The following PTPRM variants were observed in gnomAD, a reference collection of about 807,000 sequenced individuals.
The protein encoded by PTPRM is receptor-type tyrosine-protein phosphatase mu.
A neutral mutation model predicts 186.7 loss-of-function variants in PTPRM; 47 were observed. That is an observed-to-expected ratio of 0.25 (90% CI 0.20 to 0.32). PTPRM has a LOEUF of 0.32. Ranked by LOEUF, PTPRM falls within the 10% of genes least tolerant of loss-of-function variation. The probability of loss-of-function intolerance (pLI) is 1.00; values close to 1 mark genes in which losing one functional copy is unlikely to be tolerated. For missense variants in PTPRM, 1,494 were observed against 1,865.0 expected (o/e 0.80, Z 3.66); for synonymous variants, 668 against 674.9 (o/e 0.99, Z 0.16).
chr18:8,135,826 C>T (rs953673918), intron 13 of PTPRM, among the ~76,000 whole-genome samples: 1 of 152,150 alleles, frequency 6.6e-6, no homozygotes, highest in Non-Finnish European at 1.5e-5. Flanking sequence ...TTGCTAGGCT[C>T]TACATTTTTT....
At chr18:8,105,427 GT>G (rs1253794334) in intron 11 of PTPRM, among the ~76,000 whole-genome samples, 2 of 152,112 alleles carry the variant, frequency 1.3e-5, no homozygotes, top group African/African-American at 4.8e-5. Context: ...AACTAAGTTT[GT>G]TCTTTAAGAA....
In PTPRM at chr18:8,126,008, TATATATATA is replaced by T. The variant is rs2092341234; in HGVS notation, c.2167+11182_2167+11190del. Among the ~76,000 whole-genome samples, 39 of 22,512 alleles carry T rather than the reference TATATATATA, an allele frequency of 1.7e-3. 2 individuals are homozygous for T. The highest frequency in any genetic ancestry group is 3.1e-3 in the Admixed American group (4 of 1,272). 14.8% of individuals were successfully genotyped at this position (22,512 alleles called of 152,430 possible). ...ATATATATATATATATATATATATA[TATATATATA>T]TATATATATATTTTAAATCAGTAGA... On this transcript the variant is annotated intron_variant, in intron 13 of 32. Coordinates refer to ENST00000580170, the MANE Select transcript of PTPRM (RefSeq NM_001105244.2).
rs1024381946 is a variant in PTPRM at position 7,568,161 on chromosome 18, C to T, written c.73+270C>T. 6.6e-6 allele frequency among the ~76,000 whole-genome samples: 1 copy of T among 152,018 alleles called. No individual in the cohort carries two copies. The highest frequency in any genetic ancestry group is 3.4e-3 in the Middle Eastern group (1 of 292). On this transcript the variant is annotated intron_variant, in intron 1 of 32. Transcript: ENST00000580170. The surrounding 1 kb of genome is among the most constrained non-coding windows in gnomAD (Gnocchi z 5.1). ...TGCCAGCTCGGCCGCCGTCCTTCCG[C>T]GGCCTGGGCTAGTGCTCAAGGTTGG...
At chr18:7,720,784 T>C (rs1426265598) in intron 1 of PTPRM, among the ~76,000 whole-genome samples, 1 of 152,230 alleles carries the variant, frequency 6.6e-6, no homozygotes, top group African/African-American at 2.4e-5. Context: ...TTAAGGTTCA[T>C]GCATGTGGCA....
chr18:7,997,793 A>G (rs1200731809), intron 7 of PTPRM, among the ~76,000 whole-genome samples: 3 of 152,310 alleles, frequency 2.0e-5, no homozygotes, highest in South Asian at 2.1e-4. Context: ...AACATCACCA[A>G]TCATTAGAGA....
intron 1 of PTPRM, among the ~76,000 whole-genome samples, chr18:7,654,417 G>A (rs2038800421): frequency 6.6e-6 from 1 of 152,098 alleles, no homozygotes; most frequent in Admixed American, 6.6e-5. Flanking sequence ...CAAGCTTAGT[G>A]TTCCAATAAT....
intron 13 of PTPRM, among the ~76,000 whole-genome samples, chr18:8,117,324 T>G (rs1229694567): frequency 6.6e-6 from 1 of 152,204 alleles, no homozygotes; most frequent in Non-Finnish European, 1.5e-5. Context: ...TAATTGAGTT[T>G]TCAGATACAG....
At chr18:8,002,866 GC>G (rs1215135612) in intron 7 of PTPRM, among the ~76,000 whole-genome samples, 1 of 152,170 alleles carries the variant, frequency 6.6e-6, no homozygotes, top group African/African-American at 2.4e-5. Flanking sequence ...ATACATCTCT[GC>G]CCACTGATTT....
chr18:8,268,098 T>C, intron 19 of PTPRM, among the ~76,000 whole-genome samples: 1 of 152,140 alleles, frequency 6.6e-6, no homozygotes. Context: ...ACATGGACAA[T>C]TCAGTCAGCG....
intron 1 of PTPRM, among the ~76,000 whole-genome samples, chr18:7,648,282 A>G (rs1442925025): frequency 6.6e-6 from 1 of 152,132 alleles, no homozygotes; most frequent in African/African-American, 2.4e-5. Flanking sequence ...CTGTTACCCC[A>G]TCTCTCTGCC....
intron 2 of PTPRM, among the ~76,000 whole-genome samples, chr18:7,840,039 A>C (rs1036762154): frequency 8.0e-6 from 1 of 124,382 alleles, no homozygotes; most frequent in Non-Finnish European, 1.6e-5. Context: ...TCTCTGCACC[A>C]TGTTGCTGAT....
At chr18:7,643,810 A>G (rs2038499923) in intron 1 of PTPRM, among the ~76,000 whole-genome samples, 3 of 152,184 alleles carry the variant, frequency 2.0e-5, no homozygotes, top group Admixed American at 1.3e-4. Context: ...TTTTACTCAG[A>G]TTATCTCTTT....
At chr18:8,112,789 C>G (rs1398300067) in intron 11 of PTPRM, among the ~76,000 whole-genome samples, 2 of 152,146 alleles carry the variant, frequency 1.3e-5, no homozygotes, top group Non-Finnish European at 2.9e-5. Flanking sequence ...GGCTGTCATC[C>G]TTGCAGGCGT....
intron 20 of PTPRM, among the ~76,000 whole-genome samples, chr18:8,303,183 G>C (rs548063215): frequency 6.6e-6 from 1 of 152,094 alleles, no homozygotes; most frequent in Non-Finnish European, 1.5e-5. Context: ...GCACTCTCAT[G>C]GAGAGAAGGG....
At chr18:7,814,849 C>G (rs186938759) in intron 2 of PTPRM, 1 of 152,288 alleles carries the variant, frequency 6.6e-6, no homozygotes, top group Non-Finnish European at 1.5e-5. Context: ...TTGAAACTGA[C>G]GGAATTGTCC....
At chr18:8,092,587 G>T (rs1331235994) in intron 11 of PTPRM, among the ~76,000 whole-genome samples, 2 of 151,984 alleles carry the variant, frequency 1.3e-5, no homozygotes, top group Non-Finnish European at 2.9e-5. Context: ...CAAATTCAAG[G>T]AGCATATTCA....
chr18:7,987,534 T>C (rs982144974), intron 7 of PTPRM, among the ~76,000 whole-genome samples: 1 of 151,990 alleles, frequency 6.6e-6, no homozygotes, highest in African/African-American at 2.4e-5. Context: ...CTGCGGTGAG[T>C]GGAGACAAAC....
intron 4 of PTPRM, among the ~76,000 whole-genome samples, chr18:7,913,452 G>A (rs1274514420): frequency 6.6e-6 from 1 of 152,198 alleles, no homozygotes; most frequent in Non-Finnish European, 1.5e-5. Context: ...TTAGCATGAT[G>A]TTGGCTGTGG....
rs530566751 is a variant in PTPRM, at chr18:7,678,746, C to G, written c.74-95403C>G. Among the ~76,000 whole-genome samples the G allele has an allele frequency of 2.0e-5, 3 of 152,288 alleles. No homozygotes were observed. The South Asian group carries it at 6.2e-4, about 32-fold the overall frequency. On this transcript the variant is annotated intron_variant, in intron 1 of 32. Transcript: ENST00000580170. ...CTGGTCTGTACCTATTGATCTCCTTCGTTACCGTTACTTTTAATTGCAGCA... is the reference window on the plus strand; with the variant it reads ...CTGGTCTGTACCTATTGATCTCCTTGGTTACCGTTACTTTTAATTGCAGCA...
Sources: gnomAD v4.1 joint callset for allele counts (sites outside exome capture counted in the v4.1 genomes callset) on GRCh38, gnomAD v4.1.1 for gene constraint, Gnocchi (gnomAD v3.1) non-coding constraint, MANE v1.5 for transcripts, NCBI Gene and HGNC (gene_info 2026-07-23, HGNC 2026-07-21) for gene names.